ADGRA3: variants seen among roughly 807,000 people sequenced by gnomAD.
The protein encoded by ADGRA3 is G-protein coupled receptor 125.
Under a neutral mutation model 119.8 loss-of-function variants are expected in ADGRA3, and 56 were observed. The ratio of observed to expected loss-of-function variants is 0.47; its 90% confidence interval spans 0.38 to 0.58. ADGRA3 has a LOEUF of 0.58. Among genes scored for constraint, ADGRA3 ranks in the 20% least tolerant of loss-of-function variants. The pLI is 0.00. For missense variants in ADGRA3, 1,516 were observed against 1,649.0 expected, an observed-to-expected ratio of 0.92 and a Z score of 1.40; for synonymous variants, 607 against 623.8, an observed-to-expected ratio of 0.97 and a Z score of 0.40.
At chr4:22,485,911 T>C (rs1004182217) in intron 1 of ADGRA3, among the ~76,000 whole-genome samples, 2 of 152,214 alleles carry the variant, frequency 1.3e-5, no homozygotes, top group Non-Finnish European at 2.9e-5. Flanking sequence ...GAGCAGCTGT[T>C]TCAGGTTATT....
intron 1 of ADGRA3, among the ~76,000 whole-genome samples, chr4:22,476,648 C>A (rs1322773212): frequency 6.7e-6 from 1 of 149,350 alleles, no homozygotes; most frequent in African/African-American, 2.5e-5. Context: ...TTAATTTATT[C>A]TTTTTGGGTT....
At chr4:22,442,161 ATAAAG>A (rs1275216559) in intron 7 of ADGRA3, among the ~76,000 whole-genome samples, 1 of 152,166 alleles carries the variant, frequency 6.6e-6, no homozygotes, top group African/African-American at 2.4e-5. Context: ...ATTATACTTT[ATAAAG>A]TATTTTTACT....
intron 17 of ADGRA3, among the ~76,000 whole-genome samples, chr4:22,390,229 G>A (rs1004787643): frequency 2.6e-4 from 39 of 149,686 alleles, no homozygotes; most frequent in African/African-American, 8.1e-4. Flanking sequence ...TTCTTTCAAC[G>A]CCCCCTACCC....
chr4:22,468,379 T>C (rs1386418900), intron 2 of ADGRA3, among the ~76,000 whole-genome samples: 1 of 152,146 alleles, frequency 6.6e-6, no homozygotes, highest in African/African-American at 2.4e-5. Flanking sequence ...GCAACTGTAG[T>C]GTCAGCAGTG....
intron 5 of ADGRA3, among the ~76,000 whole-genome samples, chr4:22,445,380 CTT>C (rs1328630938): frequency 1.3e-5 from 2 of 152,250 alleles, no homozygotes; most frequent in South Asian, 2.1e-4. Context: ...AACAAAGACT[CTT>C]TGGCAGATAT....
At chr4:22,488,867 G>T (rs1447453565) in intron 1 of ADGRA3, among the ~76,000 whole-genome samples, 1 of 151,810 alleles carries the variant, frequency 6.6e-6, no homozygotes, top group Non-Finnish European at 1.5e-5. Flanking sequence ...TCCCCTGGGA[G>T]AAAAAAAGGA....
At chr4:22,482,951 A>G (rs538755556) in intron 1 of ADGRA3, among the ~76,000 whole-genome samples, 1 of 152,298 alleles carries the variant, frequency 6.6e-6, no homozygotes, top group Admixed American at 6.5e-5. Context: ...AAGCAGAGTC[A>G]TGCACTTTGC....
Position 22,454,861 on chromosome 4 carries a change from C to G in ADGRA3, c.473+5G>C. The G allele has an allele frequency of 6.2e-7, 1 of 1,607,564 alleles. No individual in the cohort carries two copies. Among genetic ancestry groups the G allele is most frequent in the Non-Finnish European group, 8.5e-7 (1 of 1,174,082 alleles). On this transcript the variant is annotated splice_donor_5th_base_variant and intron_variant, in intron 4 of 18. Transcript: ENST00000334304. The stretch of plus-strand genomic sequence containing the variant: ...CTTTTAATGGGAAAGAAAAGATATA[C>G]TTACAGCCGAACCAGATTGGTGAGT...
intron 1 of ADGRA3, among the ~76,000 whole-genome samples, chr4:22,496,798 A>G (rs1215801104): frequency 6.6e-6 from 1 of 152,222 alleles, no homozygotes; most frequent in Non-Finnish European, 1.5e-5. Flanking sequence ...CAAAGAAACA[A>G]TTAATACACA....
intron 1 of ADGRA3, among the ~76,000 whole-genome samples, chr4:22,501,038 G>C (rs1036260438): frequency 6.6e-6 from 1 of 152,118 alleles, no homozygotes; most frequent in African/African-American, 2.4e-5. Context: ...CCGTCCACCT[G>C]ATTCTCAGAC....
chr4:22,485,623 A>C (rs537428435), intron 1 of ADGRA3, among the ~76,000 whole-genome samples: 1 of 152,292 alleles, frequency 6.6e-6, no homozygotes, highest in South Asian at 2.1e-4. Context: ...TGGGGCTAGA[A>C]CGCTCACTAT....
At chr4:22,405,431 A>T (rs1246676764) in intron 14 of ADGRA3, among the ~76,000 whole-genome samples, 1 of 151,964 alleles carries the variant, frequency 6.6e-6, no homozygotes, top group Admixed American at 6.6e-5. Context: ...CTGTAACCCC[A>T]GCTACTTGGG....
At chr4:22,391,472 C>T (rs1291552766) in intron 17 of ADGRA3, among the ~76,000 whole-genome samples, 1 of 152,130 alleles carries the variant, frequency 6.6e-6, no homozygotes, top group Admixed American at 6.6e-5. Flanking sequence ...GACATCAATC[C>T]TAGAGAAACT....
At chr4:22,472,199 T>C (rs1386807475) in intron 2 of ADGRA3, among the ~76,000 whole-genome samples, 1 of 152,218 alleles carries the variant, frequency 6.6e-6, no homozygotes. Context: ...CACTGTGTTA[T>C]ATGCAAATGG....
rs1715837200 is a variant in ADGRA3, at chr4:22,424,235, T to C, written c.1561A>G (p.Ile521Val). The C allele has an allele frequency of 1.9e-6, 3 of 1,612,690 alleles. No homozygotes were observed. Among genetic ancestry groups the C allele is most frequent in the Middle Eastern group, 1.8e-4 (1 of 5,614 alleles). Residue 521 changes from isoleucine (I) to valine (V), a missense_variant, in exon 11 of 19, where the codon ATT (isoleucine) becomes GTT (valine). Around this residue, in one of 2 missense-constraint regions of ADGRA3, gnomAD observed 1,088 missense variants for 1,107.1 expected, o/e 0.98. Coordinates refer to ENST00000334304, the MANE Select transcript of ADGRA3 (RefSeq NM_145290.4). The part of the protein sequence containing the change: ...CSRIVQCLQR[I>V]ATYRLAGGAH... ...CCACCGGCTAGCCGGTAGGTAGCAATGCGCTGAAGACACTGCACAATCCTA... is the reference window on the plus strand; with the variant it reads ...CCACCGGCTAGCCGGTAGGTAGCAACGCGCTGAAGACACTGCACAATCCTA...
chr4:22,506,332 C>A (rs10027647), intron 1 of ADGRA3, among the ~76,000 whole-genome samples: 7,737 of 152,224 alleles, frequency 0.051, 285 homozygotes, highest in Non-Finnish European at 0.055. Flanking sequence ...GTGCACCAAT[C>A]ACTTGAAGTC....
Position 22,416,580 on chromosome 4 carries a change from G to C in ADGRA3, c.1810-2766C>G, listed in dbSNP as rs117210958. On this transcript the variant is annotated intron_variant, in intron 12 of 18. Transcript: ENST00000334304. ...GGACCATGACAAGCACAAAAGTCTA[G>C]GGAACTGTCGGTGGTATTTTTTACT... Among the ~76,000 whole-genome samples, 1,379 of 152,230 alleles carry C rather than the reference G, an allele frequency of 9.1e-3. 44 individuals are homozygous for C. Among genetic ancestry groups the C allele is most frequent in the South Asian group, 0.055 (266 of 4,812 alleles).
chr4:22,502,893 GAAAAAAAAAAA>G (rs71182944), intron 1 of ADGRA3, among the ~76,000 whole-genome samples: 10 of 120,076 alleles, frequency 8.3e-5, no homozygotes, highest in African/African-American at 3.2e-4. Context: ...CTACTTAAGG[GAAAAAAAAAAA>G]AAAAAAAAAC....
chr4:22,455,916 AT>A (rs1461370039), intron 3 of ADGRA3: 1 of 803,236 alleles, frequency 1.2e-6, no homozygotes, highest in African/African-American at 1.8e-5. Flanking sequence ...ACTTGGAATA[AT>A]TCATCACACT....
Sources: gnomAD v4.1 joint callset for allele counts (sites outside exome capture counted in the v4.1 genomes callset) on GRCh38, gnomAD v4.1.1 for gene constraint, gnomAD v4.1.1 regional missense constraint, MANE v1.5 for transcripts, NCBI Gene and HGNC (gene_info 2026-07-23, HGNC 2026-07-21) for gene names.